SVEP1: variants seen among roughly 807,000 people sequenced by gnomAD.
SVEP1 encodes sushi, von Willebrand factor type A, EGF and pentraxin domain containing 1, also known as sushi, von Willebrand factor type A, EGF and pentraxin domain-containing protein 1.
SVEP1 carries 164 observed loss-of-function variants against 367.3 expected under a neutral mutation model. That is an observed-to-expected ratio of 0.45 (90% CI 0.39 to 0.51). The LOEUF (loss-of-function observed/expected upper bound fraction) is 0.51. Among genes scored for constraint, SVEP1 ranks in the 20% least tolerant of loss-of-function variants. SVEP1 has a pLI of 0.00. For missense variants in SVEP1, 4,117 were observed against 4,425.3 expected, an observed-to-expected ratio of 0.93 and a Z score of 1.98; for synonymous variants, 1,666 against 1,611.6, an observed-to-expected ratio of 1.03 and a Z score of -0.81.
intron 40 of SVEP1, among the ~76,000 whole-genome samples, chr9:110,390,993 T>C (rs1827646082): frequency 6.6e-6 from 1 of 152,122 alleles, no homozygotes; most frequent in African/African-American, 2.4e-5. Flanking sequence ...CTTCAAATCA[T>C]TTAACAATAA....
chr9:110,479,976 G>C (rs1329320314), intron 12 of SVEP1, among the ~76,000 whole-genome samples: 1 of 152,106 alleles, frequency 6.6e-6, no homozygotes, highest in African/African-American at 2.4e-5. Flanking sequence ...TGAAGAGTTT[G>C]CTTTTGATAT....
chr9:110,455,624 C>T lies in SVEP1; in HGVS notation c.3753G>A (p.Gly1251=). The change falls in exon 22 of 48, where the codon GGG becomes GGA. Residue 1251 remains glycine (G), a synonymous_variant. Transcript: ENST00000374469. The part of the protein sequence containing the change: ...LNNGVCKDLV[G]EFICECPSGY... Reference sequence around the variant, plus strand: ...CTGATGGGCACTCACAAATGAATTCCCCAACTAGGTCTTTACAAACTCCAT... The same window carrying T: ...CTGATGGGCACTCACAAATGAATTCTCCAACTAGGTCTTTACAAACTCCAT... The T allele has an allele frequency of 6.2e-7, 1 of 1,613,566 alleles. No homozygotes were observed. The highest frequency in any genetic ancestry group is 1.1e-5 in the South Asian group (1 of 91,012).
chr9:110,443,386 A>G (rs1828542901), intron 27 of SVEP1, 159 bp downstream of exon 27: 3 of 665,598 alleles, frequency 4.5e-6, no homozygotes, highest in African/African-American at 3.8e-5. Context: ...AAAGCTTCTA[A>G]TAACCCACAG....
chr9:110,416,674 A>G (rs1470800265), intron 36 of SVEP1, among the ~76,000 whole-genome samples: 1 of 152,102 alleles, frequency 6.6e-6, no homozygotes, highest in Non-Finnish European at 1.5e-5. Context: ...TGAGTCCCAA[A>G]CAAGATGAAT....
At chr9:110,423,264 A>C (rs1828202517) in intron 36 of SVEP1, among the ~76,000 whole-genome samples, 1 of 151,848 alleles carries the variant, frequency 6.6e-6, no homozygotes, top group African/African-American at 2.4e-5. Context: ...AAATACTATT[A>C]GTTTCTGACC....
At chr9:110,493,121 T>C (rs1275267255) in intron 8 of SVEP1, among the ~76,000 whole-genome samples, 2 of 151,868 alleles carry the variant, frequency 1.3e-5, no homozygotes, top group Non-Finnish European at 2.9e-5. Context: ...TTTGAGAGGT[T>C]GTGGGATGTA....
chr9:110,557,688 T>C (rs749993276), intron 1 of SVEP1, among the ~76,000 whole-genome samples: 44 of 152,274 alleles, frequency 2.9e-4, no homozygotes, highest in Non-Finnish European at 5.4e-4. Flanking sequence ...CAACAAACAA[T>C]GAACAACTAA....
At chr9:110,382,533 A>AT (rs1343148980) in intron 43 of SVEP1, among the ~76,000 whole-genome samples, 1 of 151,888 alleles carries the variant, frequency 6.6e-6, no homozygotes, top group Admixed American at 6.6e-5. Flanking sequence ...GAACCTGAGG[A>AT]TTATGTGTCT....
At chr9:110,446,487 C>T (rs989788877) in intron 25 of SVEP1, among the ~76,000 whole-genome samples, 1 of 152,224 alleles carries the variant, frequency 6.6e-6, no homozygotes, top group Non-Finnish European at 1.5e-5. Context: ...CCCAAACCTG[C>T]ACAGACCACT....
chr9:110,370,658 A>C (rs188952497), intron 46 of SVEP1, among the ~76,000 whole-genome samples: 5 of 152,362 alleles, frequency 3.3e-5, no homozygotes, highest in Admixed American at 2.0e-4. Flanking sequence ...AAGATTTACT[A>C]TCTAGGTGTT....
intron 1 of SVEP1, among the ~76,000 whole-genome samples, chr9:110,567,851 G>T (rs1478859496): frequency 1.3e-5 from 2 of 152,096 alleles, no homozygotes; most frequent in African/African-American, 4.8e-5. Context: ...TCCGCCTGAG[G>T]GCTTTCTTGG....
chr9:110,406,580 C>T lies in SVEP1; in HGVS notation c.9020G>A (p.Cys3007Tyr). The change falls in exon 38 of 48, where the codon TGT (cysteine) becomes TAT (tyrosine). Residue 3007 changes from cysteine (C) to tyrosine (Y), a missense_variant. Cys to Tyr is a radical substitution (Grantham distance 194). Transcript: ENST00000374469. ...GSSPSCLPCR[C>Y]STPVIEYGTV... Reference sequence around the variant, plus strand: ...TCCATATTCAATTACTGGTGTGGAACATCTGCAAGGCAGGCAGGAAGGTGA... The same window carrying T: ...TCCATATTCAATTACTGGTGTGGAATATCTGCAAGGCAGGCAGGAAGGTGA... The T allele has an allele frequency of 6.2e-7, 1 of 1,613,796 alleles. No individual in the cohort carries two copies. Among genetic ancestry groups the T allele is most frequent in the Non-Finnish European group, 8.5e-7 (1 of 1,179,836 alleles).
chr9:110,479,032 C>G (rs1829144313), intron 13 of SVEP1, among the ~76,000 whole-genome samples: 1 of 151,998 alleles, frequency 6.6e-6, no homozygotes, highest in South Asian at 2.1e-4. Context: ...ATTCTCCTGC[C>G]TCAGCCTCCT....
In SVEP1 at chr9:110,385,982, T is replaced by C; in HGVS notation, c.10153A>G (p.Arg3385Gly). ...YVDQNVSIKC[R>G]EGFLLQGHGI... ...TGGCCCTGCAGCAGAAAACCTTCCC[T>C]ACATTTGATGGACACATTCTGATCA... Residue 3385 changes from arginine (R) to glycine (G), a missense_variant, in exon 43 of 48, where the codon AGG becomes GGG. Transcript: ENST00000374469. 6.2e-7 allele frequency: 1 copy of C among 1,613,956 alleles called. No homozygotes were observed. The highest frequency in any genetic ancestry group is 8.5e-7 in the Non-Finnish European group (1 of 1,179,856).
Position 110,465,904 on chromosome 9 carries a change from T to C in SVEP1, c.3283A>G (p.Thr1095Ala). ...SCLSCPENTS[T>A]VKRGAVNISA... ...ATGTTCACGGCTCCTCTTTTCACAGTTGAGGTGTTTTCTGGACACGAGAGG... is the reference window on the plus strand; with the variant it reads ...ATGTTCACGGCTCCTCTTTTCACAGCTGAGGTGTTTTCTGGACACGAGAGG... The change falls in exon 18 of 48, where the codon ACT becomes GCT. Residue 1095 changes from threonine to alanine, a missense_variant. This residue lies in a region of SVEP1 where 2,174 missense variants were observed against 2,494.3 expected (regional missense o/e 0.87). Transcript: ENST00000374469. 2 of 1,613,146 alleles carry C rather than the reference T, an allele frequency of 1.2e-6. No homozygotes were observed. The highest frequency in any genetic ancestry group is 1.7e-6 in the Non-Finnish European group (2 of 1,179,570).
chr9:110,554,071 T>C (rs927589486), intron 1 of SVEP1, among the ~76,000 whole-genome samples: 1 of 152,210 alleles, frequency 6.6e-6, no homozygotes, highest in Non-Finnish European at 1.5e-5. Context: ...ATTTACTGAT[T>C]AAACTGTTCT....
intron 13 of SVEP1, 75 bp downstream of exon 13, chr9:110,479,560 G>A (rs1010626097): frequency 4.8e-6 from 7 of 1,455,854 alleles, no homozygotes; most frequent in Middle Eastern, 1.8e-4. Context: ...ATGAGAAATC[G>A]CAGTTGTAAA....
In SVEP1 at chr9:110,389,676, TGAATCGCTCAGCACTG is replaced by T. The variant is rs531336275; in HGVS notation, c.9823-105_9823-90del. 1,686 of 1,454,248 alleles carry T rather than the reference TGAATCGCTCAGCACTG, an allele frequency of 1.2e-3. 16 individuals are homozygous for T. The African/African-American group carries it at 0.019, about 16-fold the overall frequency. 90.1% of individuals were successfully genotyped at this position (1,454,248 alleles called of 1,614,324 possible). On this transcript the variant is annotated intron_variant, in intron 40 of 47. Coordinates refer to ENST00000374469, the MANE Select transcript of SVEP1 (RefSeq NM_153366.4). ...TGCAAAGTAATCTTAGCTATGGCCT[TGAATCGCTCAGCACTG>T]GAATGCTAAATAAACATGTTAAAAA...
At chr9:110,468,882 C>G in intron 17 of SVEP1, 58 bp downstream of exon 17, 1 of 1,478,852 alleles carries the variant, frequency 6.8e-7, no homozygotes, top group South Asian at 1.4e-5. Flanking sequence ...CTTTCTTTCC[C>G]CCAAAAGGGA....
Sources: allele counts gnomAD v4.1 joint callset (sites outside exome capture counted in the v4.1 genomes callset), GRCh38; gene constraint gnomAD v4.1.1; regional missense constraint gnomAD v4.1.1; transcripts MANE v1.5; gene names NCBI Gene and HGNC (gene_info 2026-07-23, HGNC 2026-07-21).